OCRL: variants seen among roughly 807,000 people sequenced by gnomAD.
The protein encoded by OCRL is OCRL inositol polyphosphate-5-phosphatase.
A neutral mutation model predicts 78.9 loss-of-function variants in OCRL; 8 were observed. The observed-to-expected ratio is 0.10, with a 90% CI of 0.06 to 0.18. The LOEUF is 0.18. Ranked by LOEUF, OCRL falls within the 10% of genes least tolerant of loss-of-function variation. OCRL has a pLI of 1.00. For missense variants in OCRL, 454 were observed against 696.7 expected (o/e 0.65, Z 3.92); for synonymous variants, 240 against 235.4 (o/e 1.02, Z -0.18).
intron 3 of OCRL, among the ~76,000 whole-genome samples, chrX:129,547,726 G>T (rs906975947): frequency 9.0e-6 from 1 of 110,674 alleles, no homozygotes; most frequent in Non-Finnish European, 1.9e-5. Flanking sequence ...TGCTTCTGTT[G>T]TACCTGAGTA....
chrX:129,583,773 C>A (rs903429939), intron 18 of OCRL, among the ~76,000 whole-genome samples: 2 of 111,235 alleles, frequency 1.8e-5, no homozygotes, highest in Admixed American at 1.9e-4. Context: ...TTCTGATCCG[C>A]AAAGGTCTGA....
chrX:129,542,061 G>T (rs1224604326), intron 2 of OCRL, among the ~76,000 whole-genome samples: 2 of 112,266 alleles, frequency 1.8e-5, no homozygotes, highest in African/African-American at 6.5e-5. Context: ...AGGCTAGAGT[G>T]GGTTACAGAG....
In OCRL at chrX:129,540,343, G is replaced by C. The variant is rs1199184872; in HGVS notation, c.-97G>C. On this transcript the variant is annotated 5_prime_UTR_variant, in exon 1 of 24. Transcript: ENST00000371113. ...CCCGGCGCGGAGCTGTTCCTCAAAC[G>C]ACACGCAGCCGAGGTGGGTGGGTGT... The C allele has an allele frequency of 9.3e-6, 9 of 967,504 alleles. No individual in the cohort carries two copies. The highest frequency in any genetic ancestry group is 2.1e-5 in the South Asian group (1 of 48,373). The allele number at this position is 967,504 out of a possible 1,213,427, so 79.7% of individuals were successfully genotyped here.
chrX:129,567,569 T>C (rs1428252662), intron 14 of OCRL, among the ~76,000 whole-genome samples: 1 of 112,422 alleles, frequency 8.9e-6, no homozygotes, highest in Non-Finnish European at 1.9e-5. Flanking sequence ...AGGGAAGTTA[T>C]TACTTATATG....
rs1332780092 is a variant in OCRL, at chrX:129,591,672, C to G, written c.*1402C>G. 1 of 110,032 alleles carries G rather than the reference C, an allele frequency of 9.1e-6. No individual in the cohort carries two copies. Among genetic ancestry groups the G allele is most frequent in the Non-Finnish European group, 1.9e-5 (1 of 52,668 alleles). The allele number at this position is 110,032 out of a possible 1,213,427, so 9.1% of individuals were successfully genotyped here. On this transcript the variant is annotated 3_prime_UTR_variant, in exon 24 of 24. Transcript: ENST00000371113. ...GTATGTACAATCCTGGGCATTGACTCTGTGACATTTCTAGCATATCCAAGG... is the reference window on the plus strand; with the variant it reads ...GTATGTACAATCCTGGGCATTGACTGTGTGACATTTCTAGCATATCCAAGG...
chrX:129,556,138 A>C (rs989646500), intron 4 of OCRL, among the ~76,000 whole-genome samples: 2 of 112,380 alleles, frequency 1.8e-5, no homozygotes, highest in African/African-American at 6.5e-5. Flanking sequence ...TGCAGAGGAC[A>C]AAAAGCTAAA....
At chrX:129,551,155 T>A (rs926233801) in intron 4 of OCRL, among the ~76,000 whole-genome samples, 2 of 111,530 alleles carry the variant, frequency 1.8e-5, no homozygotes, top group Admixed American at 9.5e-5. Context: ...TTGAGTGCCT[T>A]CTATTTCTCA....
chrX:129,546,989 C>T (rs1311618640), intron 3 of OCRL, among the ~76,000 whole-genome samples: 1 of 111,167 alleles, frequency 9.0e-6, no homozygotes, highest in African/African-American at 3.3e-5. Context: ...GAAGCTGAGG[C>T]AGGAGGATTG....
chrX:129,572,324 T>C (rs1602797298), intron 15 of OCRL, among the ~76,000 whole-genome samples: 1 of 112,454 alleles, frequency 8.9e-6, no homozygotes, highest in Admixed American at 9.4e-5. Context: ...ACCTAGCTCA[T>C]TGTACTTTTT....
chrX:129,540,525 G>A (rs1437490243), intron 1 of OCRL, 47 bp downstream of exon 1: 4 of 1,109,610 alleles, frequency 3.6e-6, no homozygotes, highest in Admixed American at 2.6e-5. Context: ...AGGGCCGGGG[G>A]TGGGGGTCGG....
In OCRL at chrX:129,555,121, C is replaced by T. The variant is rs772655706; in HGVS notation, c.239-2204C>T. ...TCGGAAACTACGAGTGCCTGGGCTTCACCTCCAGAGGTTCTGTTTTAATTG... is the reference window on the plus strand; with the variant it reads ...TCGGAAACTACGAGTGCCTGGGCTTTACCTCCAGAGGTTCTGTTTTAATTG... On this transcript the variant is annotated intron_variant, in intron 4 of 23. Coordinates refer to ENST00000371113, the MANE Select transcript of OCRL (RefSeq NM_000276.4). Among the ~76,000 whole-genome samples, 51 of 110,214 alleles carry T rather than the reference C, an allele frequency of 4.6e-4. No homozygotes were observed. The Admixed American group carries it at 4.6e-3, about 10-fold the overall frequency.
intron 15 of OCRL, among the ~76,000 whole-genome samples, chrX:129,574,165 C>T (rs778596319): frequency 3.6e-5 from 4 of 112,230 alleles, no homozygotes; most frequent in Admixed American, 9.4e-5. Flanking sequence ...AGTGTAAAAG[C>T]GTTCCTACTT....
At position 129,540,456 on chromosome X, in the gene OCRL, C is replaced by G. The variant is rs759203987; in HGVS notation, c.17C>G (p.Pro6Arg). 14 of 1,123,947 alleles carry G rather than the reference C, an allele frequency of 1.2e-5. No individual in the cohort carries two copies. Among genetic ancestry groups the G allele is most frequent in the Admixed American group, 2.7e-5 (1 of 37,223 alleles). 92.6% of individuals were successfully genotyped at this position (1,123,947 alleles called of 1,213,427 possible). A position where few individuals can be genotyped will look rare whatever the true frequency, so the allele number is the denominator to read the frequency against. Residue 6 changes from proline to arginine, a missense_variant, in exon 1 of 24, where the codon CCG becomes CGG. Pro to Arg is a moderately radical substitution (Grantham distance 103). Around this residue, in one of 2 missense-constraint regions of OCRL, gnomAD observed 177 missense variants for 179.6 expected, o/e 0.99. Transcript: ENST00000371113. MEPPL[P>R]VGAQPLATVE... is the part of the protein sequence containing the mutation. ...GCCGCCTGGATGGAGCCGCCGCTCC[C>G]GGTCGGAGCCCAGCCGCTTGCCGTA...
At chrX:129,589,122 A>G in intron 22 of OCRL, 109 bp downstream of exon 22, 1 of 875,029 alleles carries the variant, frequency 1.1e-6, no homozygotes, top group Non-Finnish European at 1.7e-6. Context: ...ATGGGTCTGC[A>G]TCTGTTATTA....
At chrX:129,588,417 C>T (rs917998500) in intron 21 of OCRL, among the ~76,000 whole-genome samples, 154 bp downstream of exon 21, 1 of 111,974 alleles carries the variant, frequency 8.9e-6, no homozygotes, top group Non-Finnish European at 1.9e-5. Context: ...TTCTCATTTC[C>T]TTTCAGGAAC....
chrX:129,540,536 G>C, intron 1 of OCRL, 58 bp downstream of exon 1: 1 of 1,096,219 alleles, frequency 9.1e-7, no homozygotes, highest in East Asian at 3.3e-5. Flanking sequence ...TGGGGGTCGG[G>C]GGCCCTGCGG....
At chrX:129,585,703 G>C (rs1413410585) in intron 19 of OCRL, among the ~76,000 whole-genome samples, 6 of 111,341 alleles carry the variant, frequency 5.4e-5, no homozygotes, top group Non-Finnish European at 1.1e-4. Flanking sequence ...ACTGAATGTG[G>C]GGAAAAAAAA....
chrX:129,555,962 C>T (rs1936041417), intron 4 of OCRL, among the ~76,000 whole-genome samples: 2 of 111,248 alleles, frequency 1.8e-5, no homozygotes, highest in African/African-American at 6.5e-5. Flanking sequence ...TTTTTCCTTC[C>T]CTCTCTTTTT....
rs1335251707 is a variant in OCRL at position 129,588,999 on chromosome X, C to T, written c.2455C>T (p.Arg819Trp). 5.8e-6 allele frequency: 7 copies of T among 1,209,846 alleles called. No individual in the cohort carries two copies. The highest frequency in any genetic ancestry group is 3.0e-5 in the East Asian group (1 of 33,755). The change falls in exon 22 of 24, where the codon CGG (arginine) becomes TGG (tryptophan). Residue 819 changes from arginine (R) to tryptophan (W), a missense_variant. Arg to Trp is a moderately radical substitution (Grantham distance 101). Around this residue, in one of 2 missense-constraint regions of OCRL, gnomAD observed 277 missense variants for 517.1 expected, o/e 0.54. Coordinates refer to ENST00000371113, the MANE Select transcript of OCRL (RefSeq NM_000276.4). ...QRCLDSAYDPRICRQVISQLP... is the reference protein window; with the variant it reads ...QRCLDSAYDPWICRQVISQLP... ...ATGTCTTGACTCTGCTTATGATCCC[C>T]GGATCTGCCGACAGGTGGGTTCTAC...
Sources: gnomAD v4.1 joint callset for allele counts (sites outside exome capture counted in the v4.1 genomes callset) on GRCh38, gnomAD v4.1.1 for gene constraint, gnomAD v4.1.1 regional missense constraint, MANE v1.5 for transcripts, NCBI Gene and HGNC (gene_info 2026-07-23, HGNC 2026-07-21) for gene names.